CHIC2: variants seen among roughly 807,000 people sequenced by gnomAD.
CHIC2 encodes the protein cysteine rich hydrophobic domain 2.
CHIC2 carries 14 observed loss-of-function variants against 25.9 expected under a neutral mutation model. That is an observed-to-expected ratio of 0.54 (90% CI 0.36 to 0.85). CHIC2 has a LOEUF of 0.85. Among genes scored for constraint, CHIC2 ranks in the 40% least tolerant of loss-of-function variants. CHIC2 has a pLI of 0.01. For synonymous variants in CHIC2, 70 were observed against 72.0 expected, an observed-to-expected ratio of 0.97 and a Z score of 0.14; for missense variants, 146 against 202.0, an observed-to-expected ratio of 0.72 and a Z score of 1.68.
intron 3 of CHIC2, among the ~76,000 whole-genome samples, chr4:54,039,664 T>A (rs889196804): frequency 3.9e-5 from 6 of 152,236 alleles, no homozygotes; most frequent in African/African-American, 1.4e-4. Flanking sequence ...GGAGATTTTT[T>A]ATAAATTAAA....
At chr4:54,079,813 A>T in the CHIC2 span, among the ~76,000 whole-genome samples, 1 of 152,104 alleles carries the variant, frequency 6.6e-6, no homozygotes, top group Non-Finnish European at 1.5e-5. Context: ...AAAATTTTTT[A>T]AAATAGAATG....
intron 3 of CHIC2, among the ~76,000 whole-genome samples, chr4:54,030,033 A>C (rs1205802505): frequency 6.6e-6 from 1 of 152,214 alleles, no homozygotes; most frequent in Non-Finnish European, 1.5e-5. Flanking sequence ...TATTCAGAAG[A>C]AACATAAGTA....
the CHIC2 span, among the ~76,000 whole-genome samples, chr4:54,074,097 G>A: frequency 6.6e-6 from 1 of 152,070 alleles, no homozygotes; most frequent in East Asian, 1.9e-4. Context: ...GGCGGAGGTT[G>A]CAGTGAGCCT....
chr4:54,038,303 A>G (rs1422270334), intron 3 of CHIC2, among the ~76,000 whole-genome samples: 1 of 152,220 alleles, frequency 6.6e-6, no homozygotes, highest in Admixed American at 6.5e-5. Flanking sequence ...ATATGCAAAA[A>G]TCAACTGTAT....
chr4:54,045,564 AT>A (rs1220231958), intron 3 of CHIC2, among the ~76,000 whole-genome samples: 1 of 152,138 alleles, frequency 6.6e-6, no homozygotes, highest in Non-Finnish European at 1.5e-5. Context: ...GATTATCTCA[AT>A]AGATGCAGAA....
intron 1 of CHIC2, among the ~76,000 whole-genome samples, chr4:54,052,462 C>T (rs1717030200): frequency 6.6e-6 from 1 of 152,044 alleles, no homozygotes; most frequent in Non-Finnish European, 1.5e-5. Flanking sequence ...TATTCTAAGA[C>T]AAAGTACAAC....
chr4:54,048,237 G>T, intron 3 of CHIC2, among the ~76,000 whole-genome samples: 1 of 152,270 alleles, frequency 6.6e-6, no homozygotes, highest in South Asian at 2.1e-4. Flanking sequence ...TGATCCGCCC[G>T]CCTTGGCCTC....
At chr4:54,044,114 T>C (rs1716688191) in intron 3 of CHIC2, among the ~76,000 whole-genome samples, 1 of 152,144 alleles carries the variant, frequency 6.6e-6, no homozygotes, top group African/African-American at 2.4e-5. Flanking sequence ...CTATCCTAAA[T>C]ATACATGCAC....
chr4:54,029,118 T>C (rs1239062503), intron 3 of CHIC2, among the ~76,000 whole-genome samples: 2 of 145,614 alleles, frequency 1.4e-5, no homozygotes, highest in Non-Finnish European at 3.0e-5. Flanking sequence ...CGAGACTCCA[T>C]CTCAAAGAAA....
At chr4:54,087,380 A>G in the CHIC2 span, 2 of 567,028 alleles carry the variant, frequency 3.5e-6, no homozygotes, top group Non-Finnish European at 6.3e-6. Context: ...TGCTAAGCAA[A>G]ATGTAGATGC....
Position 54,010,072 on chromosome 4 carries a change from A to T in CHIC2, c.*23T>A, listed in dbSNP as rs748191813. ...CATTGGAAAGACAACATACTTGGAA[A>T]GTCTCTATAAATAAAGTAAATGCTA... On this transcript the variant is annotated 3_prime_UTR_variant, in exon 6 of 6. Transcript: ENST00000263921. 1.9e-6 allele frequency: 3 copies of T among 1,553,174 alleles called. No individual in the cohort carries two copies. Among genetic ancestry groups the T allele is most frequent in the Non-Finnish European group, 1.8e-6 (2 of 1,127,674 alleles).
intron 1 of CHIC2, among the ~76,000 whole-genome samples, chr4:54,054,458 T>C (rs902456956): frequency 1.3e-5 from 2 of 152,240 alleles, no homozygotes; most frequent in African/African-American, 4.8e-5. Context: ...CAAAAATATA[T>C]GTTCAATGTT....
upstream of CHIC2, among the ~76,000 whole-genome samples, chr4:54,068,368 G>T (rs1717558169): frequency 6.6e-6 from 1 of 152,026 alleles, no homozygotes; most frequent in Non-Finnish European, 1.5e-5. Context: ...CCAGAGAGCT[G>T]GTTTGCCCCT....
intron 3 of CHIC2, among the ~76,000 whole-genome samples, chr4:54,040,800 C>A (rs13131335): frequency 0.27 from 40,091 of 148,558 alleles, 6,196 homozygotes; most frequent in Middle Eastern, 0.4. Context: ...ATTGCTTGAA[C>A]CTGGGAGGAG....
At chr4:54,037,530 G>C (rs1043817977) in intron 3 of CHIC2, among the ~76,000 whole-genome samples, 4 of 152,056 alleles carry the variant, frequency 2.6e-5, no homozygotes, top group African/African-American at 7.2e-5. Flanking sequence ...ATGCACACAA[G>C]TGTATCAAAA....
the CHIC2 span, among the ~76,000 whole-genome samples, chr4:54,080,430 T>A: frequency 6.6e-6 from 1 of 151,314 alleles, no homozygotes; most frequent in Non-Finnish European, 1.5e-5. Context: ...GATGGGAAGA[T>A]GTTGGTTAAG....
In CHIC2 at chr4:54,010,029, G is replaced by T; in HGVS notation, c.*66C>A. 9.4e-7 allele frequency: 1 copy of T among 1,059,478 alleles called. No individual in the cohort carries two copies. Among genetic ancestry groups the T allele is most frequent in the Non-Finnish European group, 1.4e-6 (1 of 694,856 alleles). 65.6% of individuals were successfully genotyped at this position (1,059,478 alleles called of 1,614,324 possible). Reference sequence around the variant, plus strand: ...AACCAATGTTATGTCACCACCAGGAGAGCACCAAGCAAGGCACCATTGGAA... The same window carrying T: ...AACCAATGTTATGTCACCACCAGGATAGCACCAAGCAAGGCACCATTGGAA... On this transcript the variant is annotated 3_prime_UTR_variant, in exon 6 of 6. Coordinates refer to ENST00000263921, the MANE Select transcript of CHIC2 (RefSeq NM_012110.4).
chr4:54,037,745 G>A (rs1029123487), intron 3 of CHIC2, among the ~76,000 whole-genome samples: 1 of 152,044 alleles, frequency 6.6e-6, no homozygotes, highest in African/African-American at 2.4e-5. Flanking sequence ...CTAGAAATCA[G>A]TAACAGAAGA....
At chr4:54,091,430 C>T in the CHIC2 span, among the ~76,000 whole-genome samples, 3 of 152,116 alleles carry the variant, frequency 2.0e-5, no homozygotes, top group Non-Finnish European at 4.4e-5. Context: ...CTCACACTCT[C>T]ATTCACACCG....
Sources: allele counts gnomAD v4.1 joint callset (sites outside exome capture counted in the v4.1 genomes callset), GRCh38; gene constraint gnomAD v4.1.1; transcripts MANE v1.5; gene names NCBI Gene and HGNC (gene_info 2026-07-23, HGNC 2026-07-21).